Variants in ZDHHC5 observed in about 807,000 individuals in gnomAD.
ZDHHC5 encodes the protein palmitoyltransferase ZDHHC5.
Under a neutral mutation model 70.0 loss-of-function variants are expected in ZDHHC5, and 22 were observed. The ratio of observed to expected loss-of-function variants is 0.31; its 90% CI spans 0.22 to 0.45. The LOEUF (loss-of-function observed/expected upper bound fraction) is 0.45. ZDHHC5 is among the 20% of genes least tolerant of loss of function. The pLI, the probability that ZDHHC5 is intolerant of heterozygous loss-of-function variation, is 1.00. For missense variants in ZDHHC5, 746 were observed against 926.9 expected (o/e 0.80, Z 2.53); for synonymous variants, 313 against 347.8 (o/e 0.90, Z 1.11).
At position 57,693,275 on chromosome 11, in the gene ZDHHC5, A is replaced by G. The variant is rs999234863; in HGVS notation, c.753-508A>G. ...TGAGCTCAGAGCACACATACAACCTAGATTGCTTGCATGTGTAGTTTACAA... is the reference window on the plus strand; with the variant it reads ...TGAGCTCAGAGCACACATACAACCTGGATTGCTTGCATGTGTAGTTTACAA... On this transcript the variant is annotated intron_variant, in intron 7 of 11. Coordinates refer to ENST00000287169, the MANE Select transcript of ZDHHC5 (RefSeq NM_015457.3). Among the ~76,000 whole-genome samples the G allele has an allele frequency of 2.6e-5, 4 of 152,148 alleles. No homozygotes were observed. The South Asian group carries it at 8.3e-4, about 32-fold the overall frequency.
intron 3 of ZDHHC5, among the ~76,000 whole-genome samples, chr11:57,685,199 CTTTG>C (rs1200045803): frequency 2.0e-5 from 3 of 152,210 alleles, no homozygotes; most frequent in Non-Finnish European, 1.5e-5. Flanking sequence ...CATCATTGTG[CTTTG>C]TTTGTGACTT....
intron 2 of ZDHHC5, among the ~76,000 whole-genome samples, chr11:57,676,055 A>C (rs1474426179): frequency 2.0e-5 from 3 of 152,232 alleles, no homozygotes; most frequent in Non-Finnish European, 4.4e-5. Flanking sequence ...GATATAGAGG[A>C]ATGCGAGTAG....
chr11:57,676,661 C>A (rs937588170), intron 2 of ZDHHC5, among the ~76,000 whole-genome samples: 12 of 151,434 alleles, frequency 7.9e-5, no homozygotes, highest in East Asian at 1.9e-4. Context: ...AAAAAAAAAA[C>A]CAACATAAAA....
intron 3 of ZDHHC5, among the ~76,000 whole-genome samples, chr11:57,687,361 A>C (rs1005021350): frequency 2.0e-5 from 3 of 151,928 alleles, no homozygotes; most frequent in Non-Finnish European, 4.4e-5. Flanking sequence ...GCCTGAGCTC[A>C]GGAGTTTGAG....
At chr11:57,668,479 C>T (rs1304228365) in intron 1 of ZDHHC5, 1 of 152,774 alleles carries the variant, frequency 6.5e-6, no homozygotes, top group Admixed American at 6.5e-5. Context: ...CCTTCCGCCC[C>T]CGGCCCTGCG....
chr11:57,690,291 A>G, intron 5 of ZDHHC5, 44 bp from the exon 6 acceptor site: 2 of 1,613,932 alleles, frequency 1.2e-6, no homozygotes, highest in Non-Finnish European at 8.5e-7. Flanking sequence ...GGCCGGGGAA[A>G]GTGAGGTCAT....
intron 2 of ZDHHC5, among the ~76,000 whole-genome samples, chr11:57,680,327 T>C (rs1454411949): frequency 6.6e-6 from 1 of 152,140 alleles, no homozygotes; most frequent in African/African-American, 2.4e-5. Flanking sequence ...CAGTGAGCTG[T>C]GATCTTGCCA....
rs1946359251 is a variant in ZDHHC5, at chr11:57,696,862, T to A, written c.1111T>A (p.Ser371Thr). 1 of 1,613,638 alleles carries A rather than the reference T, an allele frequency of 6.2e-7. No homozygotes were observed. Among genetic ancestry groups the A allele is most frequent in the Non-Finnish European group, 8.5e-7 (1 of 1,179,804 alleles). The change falls in exon 10 of 12, where the codon TCC becomes ACC. Residue 371 changes from serine to threonine, a missense_variant. Ser to Thr is a moderately conservative substitution (Grantham distance 58). Transcript: ENST00000287169. ...TACGTCAGCTGCCATGCCGCATTCC[T>A]CCAGCGCCAAGGTACTGAGTACTCT... Reference protein sequence around the residue: ...SSTSAAMPHSSSAKLSRGDSL... With the variant: ...SSTSAAMPHSTSAKLSRGDSL...
At chr11:57,675,563 A>C (rs776180588) in intron 2 of ZDHHC5, among the ~76,000 whole-genome samples, 14 of 152,246 alleles carry the variant, frequency 9.2e-5, no homozygotes, top group Non-Finnish European at 1.5e-4. Flanking sequence ...ATCCAAAGTT[A>C]GAAGAACCCT....
chr11:57,680,681 T>C (rs1347973204), intron 2 of ZDHHC5, among the ~76,000 whole-genome samples: 1 of 152,218 alleles, frequency 6.6e-6, no homozygotes. Flanking sequence ...AACTTAGTAC[T>C]AGGGAGGGGC....
chr11:57,696,215 T>C (rs1449426571), intron 9 of ZDHHC5, among the ~76,000 whole-genome samples, 172 bp downstream of exon 9: 2 of 152,164 alleles, frequency 1.3e-5, no homozygotes, highest in Non-Finnish European at 2.9e-5. Flanking sequence ...GAGAGGCCAT[T>C]TAGCTATTGG....
intron 2 of ZDHHC5, 26 bp downstream of exon 2, chr11:57,673,220 T>TTGGG (rs1565189734): frequency 1.9e-6 from 3 of 1,608,884 alleles, no homozygotes; most frequent in Non-Finnish European, 1.7e-6. Context: ...GCAGGGGTGT[T>TTGGG]TGGGTGGGTG....
intron 3 of ZDHHC5, among the ~76,000 whole-genome samples, chr11:57,687,756 G>GTTTTTTTT (rs746146074): frequency 2.7e-5 from 2 of 75,274 alleles, no homozygotes; most frequent in African/African-American, 1.0e-4. Flanking sequence ...TTTTGGGAAA[G>GTTTTTTTT]TTTTTTTTTT....
chr11:57,668,718 T>TA (rs1488312397), intron 1 of ZDHHC5: 6 of 152,788 alleles, frequency 3.9e-5, no homozygotes, highest in African/African-American at 1.2e-4. Flanking sequence ...TTCATCCTGT[T>TA]ACCTGTTCTC....
Position 57,688,662 on chromosome 11 carries a change from G to A in ZDHHC5, c.381G>A (p.Val127=), listed in dbSNP as rs948535349. 6.3e-7 allele frequency: 1 copy of A among 1,599,332 alleles called. No homozygotes were observed. Among genetic ancestry groups the A allele is most frequent in the Non-Finnish European group, 8.5e-7 (1 of 1,172,284 alleles). Residue 127 remains valine (V), a synonymous_variant, in exon 4 of 12, where the codon GTG becomes GTA. Coordinates refer to ENST00000287169, the MANE Select transcript of ZDHHC5 (RefSeq NM_015457.3). ...ACTGCAGTGTCTGTGACAACTGTGT[G>A]GAGGTAAGCACCCTGGGTGGGGTAA... is the stretch of plus-strand genomic sequence containing the variant. The part of the protein sequence containing the change: ...CSHCSVCDNC[V]EEFDHHCPWV...
At chr11:57,697,448 G>A (rs952504175) in intron 10 of ZDHHC5, among the ~76,000 whole-genome samples, 1 of 151,180 alleles carries the variant, frequency 6.6e-6, no homozygotes, top group Non-Finnish European at 1.5e-5. Flanking sequence ...GGGCAGCAGA[G>A]CGAGACCGCA....
chr11:57,688,659 T>C lies in ZDHHC5; in HGVS notation c.378T>C (p.Cys126=). The C allele has an allele frequency of 6.2e-7, 1 of 1,600,902 alleles. No individual in the cohort carries two copies. The highest frequency in any genetic ancestry group is 8.5e-7 in the Non-Finnish European group (1 of 1,172,944). The change falls in exon 4 of 12, where the codon TGT becomes TGC. Residue 126 remains cysteine, a synonymous_variant. Coordinates refer to ENST00000287169, the MANE Select transcript of ZDHHC5 (RefSeq NM_015457.3). ...RCSHCSVCDN[C]VEEFDHHCPW... ...CCCACTGCAGTGTCTGTGACAACTGTGTGGAGGTAAGCACCCTGGGTGGGG... is the reference window on the plus strand; with the variant it reads ...CCCACTGCAGTGTCTGTGACAACTGCGTGGAGGTAAGCACCCTGGGTGGGG...
chr11:57,699,087 C>G lies in ZDHHC5; in HGVS notation c.1651C>G (p.Leu551Val). Residue 551 changes from leucine (L) to valine (V), a missense_variant, in exon 11 of 12, where the codon CTG becomes GTG. Leu to Val is a conservative substitution (Grantham distance 32). Transcript: ENST00000287169. ...CTCTCTCCAGGAACGAGAGAAGTTG[C>G]TGCGCCAGTCACCCCCACTCCCGGG... Reference protein sequence around the residue: ...VASLQEREKLLRQSPPLPGRE... With the variant: ...VASLQEREKLVRQSPPLPGRE... 2 of 1,613,654 alleles carry G rather than the reference C, an allele frequency of 1.2e-6. No homozygotes were observed. Among genetic ancestry groups the G allele is most frequent in the African/African-American group, 2.7e-5 (2 of 75,044 alleles).
rs551983704 is a variant in ZDHHC5 at position 57,678,101 on chromosome 11, C to T, written c.105-4321C>T. Among the ~76,000 whole-genome samples, 9 of 152,330 alleles carry T rather than the reference C, an allele frequency of 5.9e-5. No homozygotes were observed. In the South Asian group the frequency reaches 1.9e-3, roughly 32 times the overall value. On this transcript the variant is annotated intron_variant, in intron 2 of 11. Transcript: ENST00000287169. ...CAACAAGGAACACTAGTCATATGCTCAAGCAATATGCTAGGCATGGGCAGA... is the reference window on the plus strand; with the variant it reads ...CAACAAGGAACACTAGTCATATGCTTAAGCAATATGCTAGGCATGGGCAGA...
Sources: allele counts gnomAD v4.1 joint callset (sites outside exome capture counted in the v4.1 genomes callset), GRCh38; gene constraint gnomAD v4.1.1; transcripts MANE v1.5; gene names NCBI Gene and HGNC (gene_info 2026-07-23, HGNC 2026-07-21).